Variants in MGAT4C observed in about 807,000 individuals in gnomAD.
MGAT4C encodes the protein MGAT4 family member C.
MGAT4C carries 19 observed loss-of-function variants against 40.1 expected under a neutral mutation model. The observed-to-expected ratio is 0.47, with a 90% CI of 0.33 to 0.70. MGAT4C has a LOEUF of 0.70. Ranked by LOEUF, MGAT4C falls within the 30% of genes least tolerant of loss-of-function variation. The pLI, the probability that MGAT4C is intolerant of heterozygous loss-of-function variation, is 0.02. For missense variants in MGAT4C, 491 were observed against 563.2 expected, an observed-to-expected ratio of 0.87 and a Z score of 1.30; for synonymous variants, 181 against 187.1, an observed-to-expected ratio of 0.97 and a Z score of 0.27.
chr12:86,027,790 A>G (rs938766345), intron 2 of MGAT4C, among the ~76,000 whole-genome samples: 1 of 152,004 alleles, frequency 6.6e-6, no homozygotes, highest in African/African-American at 2.4e-5. Context: ...AGCTTTTACT[A>G]TAATGTTCCA....
At chr12:86,397,741 G>A (rs750948053) in intron 3 of MGAT4C, among the ~76,000 whole-genome samples, 60 of 152,118 alleles carry the variant, frequency 3.9e-4, no homozygotes, top group Non-Finnish European at 4.7e-4. Context: ...TGGGAGAAGT[G>A]CTTGAGGCCA....
intron 2 of MGAT4C, among the ~76,000 whole-genome samples, chr12:86,598,927 T>C (rs1313882133): frequency 6.6e-6 from 1 of 152,148 alleles, no homozygotes; most frequent in Non-Finnish European, 1.5e-5. Context: ...GGGAAGACTT[T>C]ACACACTGAA....
At chr12:86,830,633 T>C (rs982889849) in intron 1 of MGAT4C, among the ~76,000 whole-genome samples, 1 of 151,782 alleles carries the variant, frequency 6.6e-6, no homozygotes, top group Non-Finnish European at 1.5e-5. Flanking sequence ...ATTACTCATG[T>C]TTTTCGAAAG....
chr12:86,133,110 A>G (rs377135084), intron 1 of MGAT4C, among the ~76,000 whole-genome samples: 7 of 152,222 alleles, frequency 4.6e-5, no homozygotes, highest in African/African-American at 1.4e-4. Context: ...TTTCATACCT[A>G]TATTTGCATA....
rs1205485000 is a variant in MGAT4C, at chr12:85,979,821, A to C, written c.905T>G (p.Ile302Ser). 6.2e-7 allele frequency: 1 copy of C among 1,613,748 alleles called. No individual in the cohort carries two copies. The highest frequency in any genetic ancestry group is 2.2e-5 in the East Asian group (1 of 44,868). The change falls in exon 5 of 5, where the codon ATC (isoleucine) becomes AGC (serine). Residue 302 changes from isoleucine to serine, a missense_variant. Ile to Ser is a moderately radical substitution (Grantham distance 142, BLOSUM62 -2). Transcript: ENST00000611864. The part of the protein sequence containing the change: ...FRGLLAQKNV[I>S]RFKPSLFQHM... ...CTGAAAGAGAGATGGTTTAAAACGGATCACATTTTTCTGAGCCAACAGACC... is the reference window on the plus strand; with the variant it reads ...CTGAAAGAGAGATGGTTTAAAACGGCTCACATTTTTCTGAGCCAACAGACC...
intron 2 of MGAT4C, among the ~76,000 whole-genome samples, chr12:86,039,063 CT>C (rs1472005484): frequency 7.3e-6 from 1 of 137,820 alleles, no homozygotes; most frequent in East Asian, 1.9e-4. Context: ...ATTGGCCCCA[CT>C]CTCTTCTGTC....
rs189724157 is a variant in MGAT4C, at chr12:86,275,897, G to T, written c.-57+58168C>A. ...CGGCGGATCACGACGTCAGGAGATC[G>T]AGACCATTTTGGCTAACACGGTGAA... On this transcript the variant is annotated intron_variant, in intron 4 of 7. Transcript: ENST00000548651. Among the ~76,000 whole-genome samples the T allele has an allele frequency of 4.9e-3, 653 of 133,054 alleles. 4 individuals carry two copies. The highest frequency in any genetic ancestry group is 0.018 in the African/African-American group (631 of 35,032). 87.3% of individuals were successfully genotyped at this position (133,054 alleles called of 152,430 possible). A position where few individuals can be genotyped will look rare whatever the true frequency, so the allele number is the denominator to read the frequency against.
At chr12:86,265,746 T>C (rs1952769050) in intron 4 of MGAT4C, among the ~76,000 whole-genome samples, 1 of 152,184 alleles carries the variant, frequency 6.6e-6, no homozygotes, top group South Asian at 2.1e-4. Context: ...TCAATGAAAG[T>C]ATGGTCATTT....
chr12:86,554,992 T>A (rs1283532119), intron 2 of MGAT4C, among the ~76,000 whole-genome samples: 2 of 152,060 alleles, frequency 1.3e-5, no homozygotes, highest in Non-Finnish European at 2.9e-5. Flanking sequence ...GCCAGCAGCA[T>A]AACAACTTTA....
chr12:86,750,963 G>A (rs983389498), intron 1 of MGAT4C, among the ~76,000 whole-genome samples: 9 of 151,908 alleles, frequency 5.9e-5, no homozygotes, highest in African/African-American at 2.2e-4. Flanking sequence ...GCTTGTGTTT[G>A]TTTAAAGTGC....
intron 4 of MGAT4C, among the ~76,000 whole-genome samples, chr12:85,981,619 G>A (rs1318171926): frequency 6.6e-6 from 1 of 152,124 alleles, no homozygotes; most frequent in Non-Finnish European, 1.5e-5. Flanking sequence ...CTACATAAGA[G>A]GCAGGAGTTT....
chr12:86,697,487 G>A (rs1431673715), intron 2 of MGAT4C, among the ~76,000 whole-genome samples: 1 of 151,798 alleles, frequency 6.6e-6, no homozygotes, highest in Non-Finnish European at 1.5e-5. Flanking sequence ...CAAAAAAAAA[G>A]TCACTCCTAG....
In MGAT4C at chr12:86,825,347, T is replaced by C. The variant is rs940006543; in HGVS notation, c.-262+13319A>G. Among the ~76,000 whole-genome samples the C allele has an allele frequency of 2.0e-5, 3 of 151,284 alleles. No homozygotes were observed. In the East Asian group the frequency reaches 5.8e-4, roughly 29 times the overall value. On this transcript the variant is annotated intron_variant, in intron 1 of 7. Coordinates refer to the MGAT4C transcript ENST00000548651. ...TCAGATATTACAAAACCATCCTAAATCTTTGCTATATACGAGATAAACCTG... is the reference window on the plus strand; with the variant it reads ...TCAGATATTACAAAACCATCCTAAACCTTTGCTATATACGAGATAAACCTG...
chr12:86,246,804 A>G (rs1952053086), intron 1 of MGAT4C, among the ~76,000 whole-genome samples: 2 of 152,218 alleles, frequency 1.3e-5, no homozygotes, highest in African/African-American at 4.8e-5. Context: ...ACTCCTAAGT[A>G]TCAATTTCCT....
intron 3 of MGAT4C, among the ~76,000 whole-genome samples, chr12:85,985,906 C>A (rs1354020279): frequency 6.6e-6 from 1 of 152,062 alleles, no homozygotes; most frequent in Non-Finnish European, 1.5e-5. Flanking sequence ...GTAATTACAG[C>A]ACTAAATTCA....
At chr12:86,349,390 G>A (rs988644138) in intron 3 of MGAT4C, among the ~76,000 whole-genome samples, 10 of 152,088 alleles carry the variant, frequency 6.6e-5, no homozygotes, top group African/African-American at 1.4e-4. Flanking sequence ...GCTAGTAAAC[G>A]TTGTATTGGT....
chr12:86,594,991 C>T (rs755195638), intron 2 of MGAT4C, among the ~76,000 whole-genome samples: 1 of 152,052 alleles, frequency 6.6e-6, no homozygotes, highest in Admixed American at 6.6e-5. Flanking sequence ...CTCAGAGCCC[C>T]GTATTATGGG....
intron 3 of MGAT4C, among the ~76,000 whole-genome samples, chr12:86,417,812 G>T (rs1248156886): frequency 1.3e-5 from 2 of 151,808 alleles, no homozygotes; most frequent in Non-Finnish European, 2.9e-5. Flanking sequence ...TAAGACCTAG[G>T]ATTTAATTAG....
intron 2 of MGAT4C, among the ~76,000 whole-genome samples, chr12:86,552,645 C>A (rs892160205): frequency 7.9e-5 from 12 of 151,810 alleles, no homozygotes; most frequent in African/African-American, 2.9e-4. Flanking sequence ...TAAATATGTA[C>A]AATTATTATG....
Sources: allele counts gnomAD v4.1 joint callset (sites outside exome capture counted in the v4.1 genomes callset), GRCh38; gene constraint gnomAD v4.1.1; transcripts MANE v1.5; gene names NCBI Gene and HGNC (gene_info 2026-07-23, HGNC 2026-07-21).